CFAP206: variants seen among roughly 807,000 people sequenced by gnomAD.
The protein encoded by CFAP206 is cilia- and flagella-associated protein 206.
CFAP206 carries 53 observed loss-of-function variants against 65.4 expected under a neutral mutation model. That is an observed-to-expected ratio of 0.81 (90% CI 0.65 to 1.02). CFAP206 has a LOEUF of 1.02. Among genes scored for constraint, CFAP206 ranks in the 50% least tolerant of loss-of-function variants. The probability of loss-of-function intolerance (pLI) is 0.00; values close to 1 mark genes in which losing one functional copy is unlikely to be tolerated. For missense variants in CFAP206, 663 were observed against 753.2 expected (o/e 0.88, Z 1.40); for synonymous variants, 250 against 254.4 (o/e 0.98, Z 0.17).
At chr6:87,411,099 G>A (rs1333340411) in intron 3 of CFAP206, among the ~76,000 whole-genome samples, 1 of 152,096 alleles carries the variant, frequency 6.6e-6, no homozygotes, top group Non-Finnish European at 1.5e-5. Context: ...ATAAATCCTT[G>A]CCCCAATCCA....
intron 8 of CFAP206, among the ~76,000 whole-genome samples, chr6:87,427,185 T>G (rs1768056946): frequency 6.6e-6 from 1 of 152,232 alleles, no homozygotes; most frequent in Admixed American, 6.5e-5. Flanking sequence ...TCGCCCAGGC[T>G]GGAGTGCAGT....
intron 11 of CFAP206, among the ~76,000 whole-genome samples, chr6:87,456,353 G>A (rs1458807772): frequency 6.6e-6 from 1 of 151,792 alleles, no homozygotes; most frequent in Non-Finnish European, 1.5e-5. Context: ...AAAAAAACTG[G>A]GTATAGAAGG....
At chr6:87,448,825 T>G (rs1169051801) in intron 11 of CFAP206, among the ~76,000 whole-genome samples, 1 of 152,166 alleles carries the variant, frequency 6.6e-6, no homozygotes, top group Admixed American at 6.5e-5. Context: ...CATGTTGCTG[T>G]AAATGACAGG....
rs1768422696 is a variant in CFAP206, at chr6:87,445,165, T to C, written c.1494+10112T>C. 3 of 281,672 alleles carry C rather than the reference T, an allele frequency of 1.1e-5. No homozygotes were observed. In the Admixed American group the frequency reaches 1.4e-4, roughly 13 times the overall value. 17.4% of individuals were successfully genotyped at this position (281,672 alleles called of 1,614,324 possible). Reference sequence around the variant, plus strand: ...ATCATCTGTTATAGCTGCATTTTCATCTCCCCTTTCTTTTTTATTTTTAAA... The same window carrying C: ...ATCATCTGTTATAGCTGCATTTTCACCTCCCCTTTCTTTTTTATTTTTAAA... On this transcript the variant is annotated intron_variant, in intron 11 of 12. Transcript: ENST00000369562.
At chr6:87,463,814 A>G (rs1174380973) in intron 12 of CFAP206, among the ~76,000 whole-genome samples, 2 of 152,178 alleles carry the variant, frequency 1.3e-5, no homozygotes, top group Non-Finnish European at 2.9e-5. Context: ...AACATTTTAC[A>G]TATTTTTCTA....
In CFAP206 at chr6:87,461,808, G is replaced by A. The variant is rs137964066; in HGVS notation, c.1638+643G>A. ...GGAAATAAACAATGCCTACCCAAAT[G>A]AGAACAAAGCAAGGCTATTTATTTA... On this transcript the variant is annotated intron_variant, in intron 12 of 12. Coordinates refer to ENST00000369562, the MANE Select transcript of CFAP206 (RefSeq NM_001031743.3). Among the ~76,000 whole-genome samples, 32 of 152,214 alleles carry A rather than the reference G, an allele frequency of 2.1e-4. No individual in the cohort carries two copies. In the East Asian group the frequency reaches 5.8e-3, roughly 27 times the overall value.
rs1371607135 is a variant in CFAP206, at chr6:87,459,093, T to C, written c.1495-1929T>C. Among the ~76,000 whole-genome samples, 2 of 152,178 alleles carry C rather than the reference T, an allele frequency of 1.3e-5. 1 individual carries two copies. The highest frequency in any genetic ancestry group is 4.8e-5 in the African/African-American group (2 of 41,454). On this transcript the variant is annotated intron_variant, in intron 11 of 12. Transcript: ENST00000369562. ...GCTATCTTAAGTTTAATACATGTAA[T>C]TTTTTGCTTAATTAGATGTTATACA...
chr6:87,419,714 A>G (rs1767906111), intron 7 of CFAP206, among the ~76,000 whole-genome samples: 1 of 152,152 alleles, frequency 6.6e-6, no homozygotes, highest in Non-Finnish European at 1.5e-5. Flanking sequence ...TGGTCCTTCT[A>G]TTGGATGCAC....
At chr6:87,461,244 AATT>A in intron 12 of CFAP206, 79 bp downstream of exon 12, 1 of 927,144 alleles carries the variant, frequency 1.1e-6, no homozygotes, top group Non-Finnish European at 1.5e-6. Flanking sequence ...TGGTAAATTA[AATT>A]ATTTATATAA....
rs1767746803 is a variant in CFAP206, at chr6:87,412,259, G to C, written c.193-1551G>C. Among the ~76,000 whole-genome samples, 4 of 152,264 alleles carry C rather than the reference G, an allele frequency of 2.6e-5. No individual in the cohort carries two copies. The South Asian group carries it at 6.2e-4, about 24-fold the overall frequency. On this transcript the variant is annotated intron_variant, in intron 3 of 12. Transcript: ENST00000369562. Reference sequence around the variant, plus strand: ...TTTTAGAACAGTACTTCTGTATGTGGAGGGATCCAGGTGCACAGGCTTCTG... The same window carrying C: ...TTTTAGAACAGTACTTCTGTATGTGCAGGGATCCAGGTGCACAGGCTTCTG...
intron 10 of CFAP206, among the ~76,000 whole-genome samples, chr6:87,434,149 C>T (rs897338461): frequency 7.2e-5 from 11 of 151,776 alleles, no homozygotes; most frequent in African/African-American, 2.4e-4. Context: ...TGCCTGTAAT[C>T]CCAGCACTTC....
chr6:87,459,724 C>G (rs1562011830), intron 11 of CFAP206, among the ~76,000 whole-genome samples: 1 of 152,162 alleles, frequency 6.6e-6, no homozygotes, highest in Non-Finnish European at 1.5e-5. Context: ...TTTGGTCTTG[C>G]TATCACTCAC....
At chr6:87,458,672 TG>T (rs1201389255) in intron 11 of CFAP206, among the ~76,000 whole-genome samples, 18 of 151,922 alleles carry the variant, frequency 1.2e-4, no homozygotes, top group Non-Finnish European at 2.1e-4. Context: ...AAGGTAGTTG[TG>T]GGGAGTGAGA....
At chr6:87,446,294 T>C (rs1363966377) in intron 11 of CFAP206, among the ~76,000 whole-genome samples, 1 of 152,252 alleles carries the variant, frequency 6.6e-6, no homozygotes, top group African/African-American at 2.4e-5. Context: ...ATATCCTGAA[T>C]GGTATTGCCT....
At chr6:87,440,220 T>A (rs759145009) in intron 11 of CFAP206, among the ~76,000 whole-genome samples, 12 of 152,192 alleles carry the variant, frequency 7.9e-5, no homozygotes, top group Non-Finnish European at 1.2e-4. Context: ...TTGTTGCTAT[T>A]TTAAATGCTG....
intron 9 of CFAP206, among the ~76,000 whole-genome samples, chr6:87,430,661 C>T (rs1386767136): frequency 6.6e-6 from 1 of 152,152 alleles, no homozygotes; most frequent in African/African-American, 2.4e-5. Context: ...TGCTCAACTC[C>T]TTGGGTTATT....
At chr6:87,426,196 G>A (rs913406636) in intron 7 of CFAP206, 1 of 153,860 alleles carries the variant, frequency 6.5e-6, no homozygotes, top group African/African-American at 2.4e-5. Context: ...TTATCATTGA[G>A]GAATAGGAAA....
chr6:87,449,666 G>A (rs952695040), intron 11 of CFAP206, among the ~76,000 whole-genome samples: 100 of 152,102 alleles, frequency 6.6e-4, no homozygotes, highest in Non-Finnish European at 3.8e-4. Flanking sequence ...TTTAAAATTG[G>A]ATTATTTGTT....
chr6:87,454,329 C>T lies in CFAP206; in HGVS notation c.1495-6693C>T, dbSNP rs961168191. Among the ~76,000 whole-genome samples the T allele has an allele frequency of 4.6e-5, 7 of 152,122 alleles. No homozygotes were observed. In the East Asian group the frequency reaches 9.6e-4, roughly 21 times the overall value. On this transcript the variant is annotated intron_variant, in intron 11 of 12. Transcript: ENST00000369562. Reference sequence around the variant, plus strand: ...CACTTTCAGCATTGGATATATCTTCCGGACAGAAAACCAGCAAAGAAACAT... The same window carrying T: ...CACTTTCAGCATTGGATATATCTTCTGGACAGAAAACCAGCAAAGAAACAT...
Sources: gnomAD v4.1 joint callset for allele counts (sites outside exome capture counted in the v4.1 genomes callset) on GRCh38, gnomAD v4.1.1 for gene constraint, MANE v1.5 for transcripts, NCBI Gene and HGNC (gene_info 2026-07-23, HGNC 2026-07-21) for gene names.